Variants in CRPPA observed in about 807,000 individuals in gnomAD.
The protein encoded by CRPPA is D-ribitol-5-phosphate cytidylyltransferase.
Under a neutral mutation model 52.0 loss-of-function variants are expected in CRPPA, and 43 were observed. That is an observed-to-expected ratio of 0.83 (90% CI 0.65 to 1.07). The LOEUF (loss-of-function observed/expected upper bound fraction) is 1.07. Ranked by LOEUF, CRPPA falls within the 50% of genes least tolerant of loss-of-function variation. CRPPA has a pLI of 0.00. For synonymous variants in CRPPA, 250 were observed against 203.5 expected (o/e 1.23, Z -1.94); for missense variants, 629 against 551.7 (o/e 1.14, Z -1.40).
intron 5 of CRPPA, among the ~76,000 whole-genome samples, chr7:16,293,992 A>G (rs1392003874): frequency 6.6e-6 from 1 of 151,936 alleles, no homozygotes; most frequent in African/African-American, 2.4e-5. Context: ...GCTCCTTAAA[A>G]CTATTCCACG....
chr7:16,412,202 A>G (rs1788090597), intron 1 of CRPPA, among the ~76,000 whole-genome samples: 1 of 152,212 alleles, frequency 6.6e-6, no homozygotes, highest in East Asian at 1.9e-4. Flanking sequence ...GGCATTTTAA[A>G]CCAGTATTTC....
At chr7:16,294,277 C>T in intron 5 of CRPPA, among the ~76,000 whole-genome samples, 1 of 151,774 alleles carries the variant, frequency 6.6e-6, no homozygotes, top group East Asian at 1.9e-4. Context: ...GTGTCAGTGG[C>T]TGGCTTTTGT....
chr7:16,101,086 T>G (rs1445043736), intron 9 of CRPPA, among the ~76,000 whole-genome samples: 2 of 152,208 alleles, frequency 1.3e-5, no homozygotes, highest in African/African-American at 4.8e-5. Flanking sequence ...GCATCGATGT[T>G]CATCAGGGAT....
rs542097822 is a variant in CRPPA at position 16,378,040 on chromosome 7, T to C, written c.535-1799A>G. 1.5e-4 allele frequency among the ~76,000 whole-genome samples: 23 copies of C among 152,172 alleles called. No homozygotes were observed. The East Asian group carries it at 3.3e-3, about 22-fold the overall frequency. On this transcript the variant is annotated intron_variant, in intron 2 of 9. Transcript: ENST00000407010. ...AGTAGGGAGTTTACTCCAAAAAAAA[T>C]AGTGCACTGTGCCCACCCACAGTTT... is the stretch of plus-strand genomic sequence containing the variant.
At chr7:16,307,226 C>A (rs566327097) in intron 4 of CRPPA, among the ~76,000 whole-genome samples, 1 of 152,264 alleles carries the variant, frequency 6.6e-6, no homozygotes, top group South Asian at 2.1e-4. Flanking sequence ...AATCTTATTT[C>A]CAAATGTACT....
At chr7:16,305,149 T>C (rs976763719) in intron 4 of CRPPA, among the ~76,000 whole-genome samples, 6 of 152,006 alleles carry the variant, frequency 3.9e-5, no homozygotes, top group African/African-American at 1.4e-4. Flanking sequence ...AATCTTACAA[T>C]GTTATCAAAA....
chr7:16,243,894 G>T (rs1258659580), intron 8 of CRPPA, among the ~76,000 whole-genome samples: 7 of 152,270 alleles, frequency 4.6e-5, no homozygotes, highest in African/African-American at 1.7e-4. Flanking sequence ...TTGAGCCTGG[G>T]AGATGGAGGC....
At chr7:16,331,834 A>G (rs1785558959) in intron 3 of CRPPA, among the ~76,000 whole-genome samples, 1 of 152,218 alleles carries the variant, frequency 6.6e-6, no homozygotes, top group African/African-American at 2.4e-5. Flanking sequence ...AAAATTCAGA[A>G]TAGAATAATT....
At chr7:16,184,951 G>A (rs1343357290) in intron 9 of CRPPA, among the ~76,000 whole-genome samples, 1 of 152,140 alleles carries the variant, frequency 6.6e-6, no homozygotes, top group Non-Finnish European at 1.5e-5. Context: ...TTACAATGTT[G>A]TTTTGGACAT....
chr7:16,285,126 A>G, intron 5 of CRPPA, among the ~76,000 whole-genome samples: 1 of 152,192 alleles, frequency 6.6e-6, no homozygotes, highest in East Asian at 1.9e-4. Context: ...CAAAACAAAA[A>G]TAGAAGCCTT....
At chr7:16,301,508 A>G (rs1214513205) in intron 4 of CRPPA, 42 bp from the exon 5 acceptor site, 1 of 1,474,118 alleles carries the variant, frequency 6.8e-7, no homozygotes, top group Non-Finnish European at 9.5e-7. Flanking sequence ...CAGAGCAGGA[A>G]GGAATGTGCA....
chr7:16,225,168 A>G (rs979760686), intron 8 of CRPPA, among the ~76,000 whole-genome samples: 1 of 152,078 alleles, frequency 6.6e-6, no homozygotes, highest in Non-Finnish European at 1.5e-5. Flanking sequence ...TAATATCAGT[A>G]CAAATGTTAC....
chr7:16,223,753 A>C (rs1366147493), intron 8 of CRPPA, among the ~76,000 whole-genome samples: 2 of 152,194 alleles, frequency 1.3e-5, no homozygotes, highest in African/African-American at 4.8e-5. Context: ...ACTCAAGAGA[A>C]ATGTAAATGT....
At chr7:16,387,349 C>T (rs1052951583) in intron 2 of CRPPA, among the ~76,000 whole-genome samples, 15 of 151,666 alleles carry the variant, frequency 9.9e-5, no homozygotes, top group African/African-American at 3.4e-4. Flanking sequence ...AATTCTGAAG[C>T]AAATAAATGT....
rs186676615 is a variant in CRPPA, at chr7:16,259,981, G to A, written c.934-969C>T. Among the ~76,000 whole-genome samples the A allele has an allele frequency of 5.2e-4, 79 of 152,008 alleles. 1 individual carries two copies. The East Asian group carries it at 0.01, about 20-fold the overall frequency. ...TGGCTATTAAATTTTAAAAATTTTA[G>A]TTCAGTTTAAAATTCATATTGAGCA... On this transcript the variant is annotated intron_variant, in intron 6 of 9. Coordinates refer to ENST00000407010, the MANE Select transcript of CRPPA (RefSeq NM_001101426.4).
At chr7:16,379,897 A>T (rs1207529204) in intron 2 of CRPPA, among the ~76,000 whole-genome samples, 1 of 152,094 alleles carries the variant, frequency 6.6e-6, no homozygotes, top group Non-Finnish European at 1.5e-5. Flanking sequence ...GGGCTGAGAC[A>T]ATGGGGTTTT....
chr7:16,214,688 T>C (rs1026224910), intron 9 of CRPPA, among the ~76,000 whole-genome samples: 4 of 152,118 alleles, frequency 2.6e-5, no homozygotes, highest in Non-Finnish European at 5.9e-5. Flanking sequence ...AACTTTTTTG[T>C]AGAGACAAGG....
chr7:16,395,778 A>G (rs1787553753), intron 2 of CRPPA, among the ~76,000 whole-genome samples: 1 of 152,236 alleles, frequency 6.6e-6, no homozygotes, highest in African/African-American at 2.4e-5. Context: ...AGGATGTTAA[A>G]CATTATTTCA....
chr7:16,386,347 G>A (rs1787270685), intron 2 of CRPPA, among the ~76,000 whole-genome samples: 1 of 152,084 alleles, frequency 6.6e-6, no homozygotes, highest in African/African-American at 2.4e-5. Flanking sequence ...CTGGGGTTTG[G>A]GGCTTATGTA....
Sources: gnomAD v4.1 joint callset for allele counts (sites outside exome capture counted in the v4.1 genomes callset) on GRCh38, gnomAD v4.1.1 for gene constraint, MANE v1.5 for transcripts, NCBI Gene and HGNC (gene_info 2026-07-23, HGNC 2026-07-21) for gene names.